Variants in SGMS1 observed in about 807,000 individuals in gnomAD.
SGMS1 encodes the protein sphingomyelin synthase 1.
Under a neutral mutation model 46.2 loss-of-function variants are expected in SGMS1, and 13 were observed. The observed-to-expected ratio is 0.28, with a 90% CI of 0.18 to 0.45. The LOEUF (loss-of-function observed/expected upper bound fraction) is 0.45, where lower values mean the gene tolerates loss of function less well. Among genes scored for constraint, SGMS1 ranks in the 20% least tolerant of loss-of-function variants. The probability of loss-of-function intolerance (pLI) is 1.00; values close to 1 mark genes in which losing one functional copy is unlikely to be tolerated. For missense variants in SGMS1, 324 were observed against 519.9 expected, an observed-to-expected ratio of 0.62 and a Z score of 3.66; for synonymous variants, 203 against 187.8, an observed-to-expected ratio of 1.08 and a Z score of -0.66.
At chr10:50,320,062 G>T (rs1426828403) in intron 8 of SGMS1, among the ~76,000 whole-genome samples, 3 of 152,068 alleles carry the variant, frequency 2.0e-5, no homozygotes, top group Non-Finnish European at 4.4e-5. Context: ...TACATGGTTA[G>T]CTCTGAGGTT....
intron 6 of SGMS1, among the ~76,000 whole-genome samples, chr10:50,366,501 CG>C (rs1564890732): frequency 6.6e-6 from 1 of 152,086 alleles, no homozygotes; most frequent in African/African-American, 2.4e-5. Flanking sequence ...CACATGCACA[CG>C]TATGTTTATT....
chr10:50,497,555 G>A (rs1837625490), intron 3 of SGMS1, among the ~76,000 whole-genome samples: 1 of 152,214 alleles, frequency 6.6e-6, no homozygotes, highest in Non-Finnish European at 1.5e-5. Context: ...CACTTTGGGA[G>A]GCCGAGGCAG....
chr10:50,559,250 T>G (rs1838213705), intron 2 of SGMS1, among the ~76,000 whole-genome samples: 1 of 152,208 alleles, frequency 6.6e-6, no homozygotes, highest in Non-Finnish European at 1.5e-5. Context: ...TTCAACTACT[T>G]TTGTTTCTTT....
In SGMS1 at chr10:50,524,538, A is replaced by G. The variant is rs191763920; in HGVS notation, c.-588-4617T>C. On this transcript the variant is annotated intron_variant, in intron 2 of 10. Coordinates refer to ENST00000361781, the MANE Select transcript of SGMS1 (RefSeq NM_147156.4). ...GTGCCCCAGCCCTATGCTCACCTTTATAATAAATAAACTTCACTGAGTGCT... is the reference window on the plus strand; with the variant it reads ...GTGCCCCAGCCCTATGCTCACCTTTGTAATAAATAAACTTCACTGAGTGCT... 7.4e-4 allele frequency among the ~76,000 whole-genome samples: 112 copies of G among 152,324 alleles called. 1 individual carries two copies. The highest frequency in any genetic ancestry group is 2.6e-3 in the African/African-American group (109 of 41,572).
chr10:50,433,623 G>A (rs1849433949), intron 5 of SGMS1, 67 bp from the exon 6 acceptor site: 1 of 152,244 alleles, frequency 6.6e-6, no homozygotes, highest in Non-Finnish European at 1.5e-5. Context: ...ATTTCCACTA[G>A]TTAGTCTCTT....
rs1847196883 is a variant in SGMS1 at position 50,307,638 on chromosome 10, T to C, written c.1063-317A>G. On this transcript the variant is annotated intron_variant, in intron 10 of 10. Transcript: ENST00000361781. This position sits in a 1 kb window ranked among gnomAD's most constrained non-coding sequence, Gnocchi z 4.2. The stretch of plus-strand genomic sequence containing the variant: ...CTAAAAATGTTAACACTTAATTAAA[T>C]GTTAAATATTAAGCTTGTGATGTGC... Among the ~76,000 whole-genome samples, 1 of 152,142 alleles carries C rather than the reference T, an allele frequency of 6.6e-6. No individual in the cohort carries two copies. Among genetic ancestry groups the C allele is most frequent in the South Asian group, 2.1e-4 (1 of 4,830 alleles).
chr10:50,410,979 T>G (rs558626203), intron 6 of SGMS1, among the ~76,000 whole-genome samples: 1 of 152,368 alleles, frequency 6.6e-6, no homozygotes, highest in East Asian at 1.9e-4. Flanking sequence ...CTGTGATACA[T>G]TCATTATAGG....
intron 2 of SGMS1, among the ~76,000 whole-genome samples, chr10:50,583,153 A>T (rs1564437497): frequency 6.6e-6 from 1 of 152,198 alleles, no homozygotes; most frequent in African/African-American, 2.4e-5. Context: ...GAGGTTAAGT[A>T]ATTGGTCAAA....
chr10:50,383,272 T>A (rs1564896905), intron 6 of SGMS1, among the ~76,000 whole-genome samples: 1 of 152,212 alleles, frequency 6.6e-6, no homozygotes, highest in African/African-American at 2.4e-5. Flanking sequence ...TGTTTACAGA[T>A]GAATAGAGCC....
At chr10:50,555,479 G>C (rs1838182680) in intron 2 of SGMS1, among the ~76,000 whole-genome samples, 1 of 152,182 alleles carries the variant, frequency 6.6e-6, no homozygotes, top group African/African-American at 2.4e-5. Flanking sequence ...CAATTACAGG[G>C]CTTCATGGGT....
chr10:50,387,470 T>C (rs148511501), intron 6 of SGMS1, among the ~76,000 whole-genome samples: 147 of 152,312 alleles, frequency 9.7e-4, no homozygotes, highest in African/African-American at 3.2e-3. Flanking sequence ...TTTCCCTCTT[T>C]ATCGAAAAGG....
rs1448688811 is a variant in SGMS1, at chr10:50,409,625, G to A, written c.-232+23851C>T. ...TTACTTGGACATAATCAAAATAAAT[G>A]ACAACAGATTTCTCAATTCTCCTGA... is the stretch of plus-strand genomic sequence containing the variant. On this transcript the variant is annotated intron_variant, in intron 6 of 10. Coordinates refer to ENST00000361781, the MANE Select transcript of SGMS1 (RefSeq NM_147156.4). 2.6e-5 allele frequency among the ~76,000 whole-genome samples: 4 copies of A among 152,238 alleles called. No homozygotes were observed. The South Asian group carries it at 8.3e-4, about 32-fold the overall frequency.
At chr10:50,368,256 A>C (rs2133436527) in intron 6 of SGMS1, among the ~76,000 whole-genome samples, 1 of 152,390 alleles carries the variant, frequency 6.6e-6, no homozygotes, top group Non-Finnish European at 1.5e-5. Flanking sequence ...TCAAAGAAAT[A>C]CAAAAGCTTA....
At chr10:50,404,737 T>G (rs568071887) in intron 6 of SGMS1, among the ~76,000 whole-genome samples, 1 of 152,258 alleles carries the variant, frequency 6.6e-6, no homozygotes, top group African/African-American at 2.4e-5. Flanking sequence ...AAGATATTTA[T>G]ACGAAAATAT....
intron 2 of SGMS1, among the ~76,000 whole-genome samples, chr10:50,537,766 T>C (rs1219460727): frequency 2.0e-5 from 3 of 152,098 alleles, no homozygotes; most frequent in Admixed American, 1.3e-4. Context: ...GATTATTCCC[T>C]AGGTCATAGA....
At chr10:50,382,283 T>C (rs1480349474) in intron 6 of SGMS1, among the ~76,000 whole-genome samples, 7 of 152,214 alleles carry the variant, frequency 4.6e-5, no homozygotes, top group East Asian at 1.9e-4. Context: ...AGCAATCCCA[T>C]ACAATTGTAA....
intron 7 of SGMS1, chr10:50,334,617 T>C (rs1180895948): frequency 2.0e-5 from 3 of 152,210 alleles, no homozygotes; most frequent in Non-Finnish European, 4.4e-5. Context: ...TAACATTTAT[T>C]GAATTCTAGG....
intron 2 of SGMS1, among the ~76,000 whole-genome samples, chr10:50,575,816 G>A (rs1205953867): frequency 6.6e-6 from 1 of 152,068 alleles, no homozygotes; most frequent in Non-Finnish European, 1.5e-5. Flanking sequence ...TATGGCCCAA[G>A]CATAAATACA....
At chr10:50,617,164 G>A (rs898960054) in intron 1 of SGMS1, among the ~76,000 whole-genome samples, 46 of 152,064 alleles carry the variant, frequency 3.0e-4, no homozygotes, top group African/African-American at 1.0e-3. Flanking sequence ...AAAATGTTCT[G>A]GAAATGCATA....
Sources: gnomAD v4.1 joint callset for allele counts (sites outside exome capture counted in the v4.1 genomes callset) on GRCh38, gnomAD v4.1.1 for gene constraint, Gnocchi (gnomAD v3.1) non-coding constraint, MANE v1.5 for transcripts, NCBI Gene and HGNC (gene_info 2026-07-23, HGNC 2026-07-21) for gene names.